Variants in PLXDC2 observed in about 807,000 individuals in gnomAD.
PLXDC2 encodes the protein plexin domain-containing protein 2.
A neutral mutation model predicts 68.9 loss-of-function variants in PLXDC2; 40 were observed. That is an observed-to-expected ratio of 0.58 (90% CI 0.45 to 0.76). PLXDC2 has a LOEUF of 0.76. PLXDC2 is among the 30% of genes least tolerant of loss of function. The pLI is 0.00. For missense variants in PLXDC2, 644 were observed against 661.9 expected (o/e 0.97, Z 0.30); for synonymous variants, 243 against 234.2 (o/e 1.04, Z -0.34).
chr10:20,103,369 C>A (rs1377941151), intron 4 of PLXDC2, among the ~76,000 whole-genome samples: 1 of 151,994 alleles, frequency 6.6e-6, no homozygotes, highest in East Asian at 1.9e-4. Flanking sequence ...ATTAGATAGG[C>A]CATGTAGATG....
Position 20,282,077 on chromosome 10 carries a change from A to G in PLXDC2, c.*2258A>G, listed in dbSNP as rs1836088941. ...TTGAATCAATTTTCTATTTTGATTC[A>G]AAACAATTGATAATTCTGTAAAAAA... On this transcript the variant is annotated 3_prime_UTR_variant, in exon 14 of 14. Coordinates refer to ENST00000377252, the MANE Select transcript of PLXDC2 (RefSeq NM_032812.9). 6.6e-6 allele frequency: 1 copy of G among 152,196 alleles called. No homozygotes were observed. Among genetic ancestry groups the G allele is most frequent in the East Asian group, 1.9e-4 (1 of 5,206 alleles). 9.4% of individuals were successfully genotyped at this position (152,196 alleles called of 1,614,324 possible).
chr10:19,878,494 G>A (rs1273243290), intron 1 of PLXDC2, among the ~76,000 whole-genome samples: 2 of 152,186 alleles, frequency 1.3e-5, no homozygotes, highest in Non-Finnish European at 2.9e-5. Flanking sequence ...GAGTCTAGCT[G>A]AAGTAAAATA....
chr10:19,974,680 C>T (rs531065563), intron 1 of PLXDC2, among the ~76,000 whole-genome samples: 2 of 152,280 alleles, frequency 1.3e-5, no homozygotes, highest in African/African-American at 4.8e-5. Context: ...ATCTCTTAGC[C>T]ACTTATAAAC....
chr10:20,162,579 A>G (rs945922794), intron 6 of PLXDC2, among the ~76,000 whole-genome samples: 6 of 152,110 alleles, frequency 3.9e-5, no homozygotes, highest in Non-Finnish European at 7.4e-5. Flanking sequence ...ATACAAAAAT[A>G]TAAGTGAATT....
At chr10:20,004,831 A>G (rs756038221) in intron 2 of PLXDC2, among the ~76,000 whole-genome samples, 19 of 152,070 alleles carry the variant, frequency 1.2e-4, no homozygotes, top group Non-Finnish European at 2.4e-4. Flanking sequence ...TCTACTTTCT[A>G]CCTTAACAGA....
intron 4 of PLXDC2, among the ~76,000 whole-genome samples, chr10:20,142,259 G>C (rs1295484935): frequency 6.6e-6 from 1 of 152,012 alleles, no homozygotes; most frequent in Non-Finnish European, 1.5e-5. Context: ...ATTTATATTA[G>C]TGTCGGGTAT....
intron 1 of PLXDC2, among the ~76,000 whole-genome samples, chr10:19,982,842 G>A (rs990658878): frequency 6.6e-6 from 1 of 152,088 alleles, no homozygotes; most frequent in Admixed American, 6.5e-5. Flanking sequence ...GTATTACTGA[G>A]GGGACATTGA....
chr10:19,816,675 G>A lies in PLXDC2; in HGVS notation c.-405G>A, dbSNP rs2131988972. The A allele has an allele frequency of 4.0e-6, 1 of 252,438 alleles. No homozygotes were observed. Among genetic ancestry groups the A allele is most frequent in the Non-Finnish European group, 7.7e-6 (1 of 129,488 alleles). The allele number at this position is 252,438 out of a possible 1,614,324, so 15.6% of individuals were successfully genotyped here. ...TCTGGGGCAGGCAGCGGCGCTGGCT[G>A]TGGAATTAGATCTGTTTTGAACCCA... On this transcript the variant is annotated 5_prime_UTR_variant, in exon 1 of 14. It adds an upstream start codon to the 5' untranslated region. Coordinates refer to ENST00000377252, the MANE Select transcript of PLXDC2 (RefSeq NM_032812.9).
At chr10:20,259,870 A>G (rs1484494245) in intron 13 of PLXDC2, among the ~76,000 whole-genome samples, 1 of 152,208 alleles carries the variant, frequency 6.6e-6, no homozygotes, top group Non-Finnish European at 1.5e-5. Context: ...AGTGGCCCAC[A>G]CTAGGAGAAA....
intron 1 of PLXDC2, among the ~76,000 whole-genome samples, chr10:19,836,238 G>A (rs978154546): frequency 6.6e-6 from 1 of 151,950 alleles, no homozygotes; most frequent in Non-Finnish European, 1.5e-5. Flanking sequence ...GTGGCCAGAG[G>A]GGAACATAAG....
intron 13 of PLXDC2, among the ~76,000 whole-genome samples, chr10:20,248,857 A>C (rs1019671024): frequency 9.9e-5 from 15 of 152,204 alleles, no homozygotes; most frequent in African/African-American, 3.6e-4. Flanking sequence ...TTTATGTTCC[A>C]TATTATATTC....
At chr10:20,016,684 C>T (rs1835218637) in intron 2 of PLXDC2, among the ~76,000 whole-genome samples, 1 of 152,202 alleles carries the variant, frequency 6.6e-6, no homozygotes, top group Admixed American at 6.5e-5. Context: ...GGAAACCACC[C>T]TTGTCTACTA....
chr10:19,886,114 C>T (rs184705385), intron 1 of PLXDC2, among the ~76,000 whole-genome samples: 3 of 152,206 alleles, frequency 2.0e-5, no homozygotes, highest in African/African-American at 7.2e-5. Context: ...CTCTTTGAAG[C>T]AATTGTGAAT....
intron 4 of PLXDC2, among the ~76,000 whole-genome samples, chr10:20,122,843 G>C (rs530248832): frequency 6.6e-6 from 1 of 152,116 alleles, no homozygotes; most frequent in Non-Finnish European, 1.5e-5. Flanking sequence ...ATTTAGTGTC[G>C]GGAGCAGATT....
At chr10:19,847,875 C>T (rs1479200641) in intron 1 of PLXDC2, among the ~76,000 whole-genome samples, 2 of 152,150 alleles carry the variant, frequency 1.3e-5, no homozygotes, top group Admixed American at 6.6e-5. Flanking sequence ...AATTAGTAAA[C>T]AGCAAGGACT....
At chr10:20,041,181 G>T (rs1263195502) in intron 2 of PLXDC2, among the ~76,000 whole-genome samples, 1 of 152,094 alleles carries the variant, frequency 6.6e-6, no homozygotes, top group Non-Finnish European at 1.5e-5. Context: ...TCACCCATTG[G>T]TTGATTTAGT....
At chr10:19,892,846 A>G (rs1459514807) in intron 1 of PLXDC2, among the ~76,000 whole-genome samples, 5 of 152,010 alleles carry the variant, frequency 3.3e-5, no homozygotes, top group South Asian at 2.1e-4. Flanking sequence ...AACCCTTAGT[A>G]TACAGTACGA....
At chr10:20,035,190 G>A (rs1256591533) in intron 2 of PLXDC2, among the ~76,000 whole-genome samples, 2 of 152,144 alleles carry the variant, frequency 1.3e-5, no homozygotes, top group East Asian at 3.9e-4. Flanking sequence ...GAGGGGTAAT[G>A]TAGTATTAGA....
intron 1 of PLXDC2, among the ~76,000 whole-genome samples, chr10:19,951,365 C>T (rs1833989107): frequency 6.6e-6 from 1 of 152,050 alleles, no homozygotes; most frequent in Non-Finnish European, 1.5e-5. Flanking sequence ...GAAACAAACA[C>T]ATACACACAC....
Sources: allele counts gnomAD v4.1 joint callset (sites outside exome capture counted in the v4.1 genomes callset), GRCh38; gene constraint gnomAD v4.1.1; transcripts MANE v1.5; gene names NCBI Gene and HGNC (gene_info 2026-07-23, HGNC 2026-07-21).